Variants in PACRG observed in about 807,000 individuals in gnomAD.
The protein encoded by PACRG is parkin coregulated gene protein.
In PACRG, 29 loss-of-function variants were observed where a neutral mutation model predicts 29.7. The ratio of observed to expected loss-of-function variants is 0.98; its 90% CI spans 0.73 to 1.33. The LOEUF is 1.33. PACRG is among the 40% of genes most tolerant of loss of function. PACRG has a pLI of 0.00. For missense variants in PACRG, 279 were observed against 316.2 expected (o/e 0.88, Z 0.89); for synonymous variants, 116 against 118.7 (o/e 0.98, Z 0.15).
intron 2 of PACRG, among the ~76,000 whole-genome samples, chr6:163,008,656 G>A (rs1016080855): frequency 2.0e-5 from 3 of 146,998 alleles, no homozygotes; most frequent in East Asian, 2.0e-4. Flanking sequence ...CTTTATTCTC[G>A]CCATCCGAGA....
At chr6:163,116,137 A>T (rs1460487513) in intron 4 of PACRG, among the ~76,000 whole-genome samples, 1 of 152,204 alleles carries the variant, frequency 6.6e-6, no homozygotes, top group Non-Finnish European at 1.5e-5. Context: ...TGATGAGCTC[A>T]TGGTTCTGCA....
chr6:162,923,167 A>G (rs893683518), intron 2 of PACRG, among the ~76,000 whole-genome samples: 1 of 152,110 alleles, frequency 6.6e-6, no homozygotes, highest in Non-Finnish European at 1.5e-5. Flanking sequence ...GGCCATTTGT[A>G]TGCCTTTTTC....
intron 4 of PACRG, among the ~76,000 whole-genome samples, chr6:163,211,560 C>T (rs1229873993): frequency 6.6e-6 from 1 of 152,042 alleles, no homozygotes; most frequent in Admixed American, 6.5e-5. Context: ...GGAGTTTTTA[C>T]AGAAGCCTTT....
intron 2 of PACRG, among the ~76,000 whole-genome samples, chr6:162,815,647 G>A (rs966519724): frequency 3.0e-4 from 46 of 151,824 alleles, no homozygotes; most frequent in Admixed American, 1.5e-3. Context: ...GAAAATGTAC[G>A]TATGATGAGA....
chr6:162,891,632 C>T (rs1794765225), intron 2 of PACRG, among the ~76,000 whole-genome samples: 1 of 152,152 alleles, frequency 6.6e-6, no homozygotes, highest in Non-Finnish European at 1.5e-5. Flanking sequence ...TTACATTCTT[C>T]CCAACTCTTA....
At chr6:162,828,899 C>T (rs1003344528) in intron 2 of PACRG, among the ~76,000 whole-genome samples, 1 of 151,742 alleles carries the variant, frequency 6.6e-6, no homozygotes, top group Non-Finnish European at 1.5e-5. Flanking sequence ...AGTTATAACC[C>T]GACACTAATG....
chr6:162,767,266 G>C (rs73015774), intron 1 of PACRG, among the ~76,000 whole-genome samples: 235 of 151,908 alleles, frequency 1.5e-3, no homozygotes, highest in Non-Finnish European at 2.7e-3. Flanking sequence ...CTGGGCTAAA[G>C]TTTTCCACTG....
intron 3 of PACRG, among the ~76,000 whole-genome samples, chr6:163,064,969 G>A (rs1030914026): frequency 6.6e-6 from 1 of 152,034 alleles, no homozygotes; most frequent in Non-Finnish European, 1.5e-5. Context: ...CAAATTAGAA[G>A]GCTGATAATA....
At chr6:162,848,046 G>A (rs1366339071) in intron 2 of PACRG, among the ~76,000 whole-genome samples, 5 of 152,088 alleles carry the variant, frequency 3.3e-5, no homozygotes, top group East Asian at 3.9e-4. Context: ...TGAGGACAGC[G>A]GGAGCTACAG....
intron 2 of PACRG, among the ~76,000 whole-genome samples, chr6:162,912,877 T>A (rs1184664870): frequency 2.0e-5 from 3 of 150,812 alleles, no homozygotes; most frequent in African/African-American, 7.3e-5. Flanking sequence ...GCCCACACAT[T>A]ATATTCTTAT....
intron 1 of PACRG, among the ~76,000 whole-genome samples, chr6:162,758,393 C>CT (rs1266385958): frequency 3.9e-5 from 6 of 152,034 alleles, no homozygotes; most frequent in African/African-American, 1.4e-4. Flanking sequence ...TTCTTAATTT[C>CT]TTTTTTCTTG....
intron 4 of PACRG, among the ~76,000 whole-genome samples, chr6:163,117,871 A>C (rs142326246): frequency 5.3e-4 from 81 of 152,288 alleles, no homozygotes; most frequent in African/African-American, 1.9e-3. Flanking sequence ...TGGATGTGAC[A>C]ATGTGTTGAT....
intron 4 of PACRG, among the ~76,000 whole-genome samples, chr6:163,307,855 G>T (rs894388273): frequency 2.6e-5 from 4 of 152,180 alleles, no homozygotes; most frequent in Admixed American, 2.6e-4. Context: ...AATGAATTTG[G>T]TCCTAGGTTT....
chr6:162,810,173 A>G (rs1309905668), intron 1 of PACRG, among the ~76,000 whole-genome samples: 1 of 152,120 alleles, frequency 6.6e-6, no homozygotes, highest in African/African-American at 2.4e-5. Flanking sequence ...CCCAGTATTA[A>G]TAAGGCACTC....
chr6:163,097,581 A>G (rs1481060905), intron 4 of PACRG, among the ~76,000 whole-genome samples: 1 of 152,230 alleles, frequency 6.6e-6, no homozygotes, highest in African/African-American at 2.4e-5. Flanking sequence ...TGGTTGAGTT[A>G]CAGCTTGGTT....
intron 4 of PACRG, among the ~76,000 whole-genome samples, chr6:163,119,095 G>C (rs476445): frequency 0.38 from 57,134 of 152,070 alleles, 11,750 homozygotes; most frequent in East Asian, 0.58. Context: ...ACATCCACAA[G>C]AGTCCCCGCT....
chr6:162,998,326 TCAGGATCTC>T (rs796726532), intron 2 of PACRG, among the ~76,000 whole-genome samples: 50 of 152,318 alleles, frequency 3.3e-4, no homozygotes, highest in African/African-American at 1.2e-3. Context: ...CGTATGCAAC[TCAGGATCTC>T]CAGGACTGAG....
At chr6:163,050,487 C>A (rs1003974939) in intron 2 of PACRG, among the ~76,000 whole-genome samples, 2 of 152,058 alleles carry the variant, frequency 1.3e-5, no homozygotes, top group Non-Finnish European at 2.9e-5. Flanking sequence ...TTAATTCATT[C>A]AACAATTTAT....
chr6:163,034,920 G>A (rs118190730), intron 2 of PACRG, among the ~76,000 whole-genome samples: 1,682 of 152,334 alleles, frequency 0.011, 24 homozygotes, highest in Non-Finnish European at 0.016. Context: ...CAGAGCAGCC[G>A]TGAGGGCTGT....
Sources: gnomAD v4.1 joint callset for allele counts (sites outside exome capture counted in the v4.1 genomes callset) on GRCh38, gnomAD v4.1.1 for gene constraint, MANE v1.5 for transcripts, NCBI Gene and HGNC (gene_info 2026-07-23, HGNC 2026-07-21) for gene names.